Variants in SPON1 observed in about 807,000 individuals in gnomAD.
SPON1 encodes the protein spondin-1.
A neutral mutation model predicts 111.7 loss-of-function variants in SPON1; 52 were observed. The observed-to-expected ratio is 0.47, with a 90% CI of 0.37 to 0.59. The LOEUF (loss-of-function observed/expected upper bound fraction) is 0.59. Among genes scored for constraint, SPON1 ranks in the 20% least tolerant of loss-of-function variants. SPON1 has a pLI of 0.00. For missense variants in SPON1, 957 were observed against 1,068.5 expected (o/e 0.90, Z 1.46); for synonymous variants, 410 against 395.8 (o/e 1.04, Z -0.43).
intron 6 of SPON1, among the ~76,000 whole-genome samples, chr11:14,163,670 T>C (rs982214634): frequency 6.6e-6 from 1 of 152,012 alleles, no homozygotes; most frequent in African/African-American, 2.4e-5. Context: ...AGACATGGGG[T>C]GAGAGAAATA....
At chr11:14,200,052 C>A (rs559323807) in intron 6 of SPON1, among the ~76,000 whole-genome samples, 1 of 152,308 alleles carries the variant, frequency 6.6e-6, no homozygotes, top group Admixed American at 6.5e-5. Context: ...CTCATCCACC[C>A]ATTTAGCAAC....
chr11:14,223,241 G>C (rs1554937759), intron 6 of SPON1, among the ~76,000 whole-genome samples: 1 of 152,146 alleles, frequency 6.6e-6, no homozygotes. Context: ...GCACATGCCT[G>C]TGATCCCAGC....
chr11:13,978,108 G>C (rs1284661760), intron 1 of SPON1, among the ~76,000 whole-genome samples: 1 of 152,122 alleles, frequency 6.6e-6, no homozygotes, highest in Non-Finnish European at 1.5e-5. Flanking sequence ...TGATCAACTG[G>C]CCCATTTTTC....
chr11:14,165,931 G>A (rs1459957963), intron 6 of SPON1, among the ~76,000 whole-genome samples: 1 of 152,162 alleles, frequency 6.6e-6, no homozygotes, highest in African/African-American at 2.4e-5. Context: ...CTTTTTAAAA[G>A]GTGAGCCCAG....
intron 6 of SPON1, among the ~76,000 whole-genome samples, chr11:14,202,110 G>T (rs1848470874): frequency 6.6e-6 from 1 of 152,116 alleles, no homozygotes; most frequent in African/African-American, 2.4e-5. Context: ...ATCCTAAATT[G>T]AGAGCTCTAA....
At chr11:14,165,582 C>A (rs953127565) in intron 6 of SPON1, among the ~76,000 whole-genome samples, 8 of 152,158 alleles carry the variant, frequency 5.3e-5, no homozygotes, top group Non-Finnish European at 8.8e-5. Flanking sequence ...ATGAGGAGTA[C>A]AATTCCCAAT....
intron 6 of SPON1, among the ~76,000 whole-genome samples, chr11:14,201,036 G>A (rs1025158491): frequency 6.6e-6 from 1 of 151,620 alleles, no homozygotes; most frequent in African/African-American, 2.4e-5. Context: ...TGTAAAATAG[G>A]GATACTAAAA....
intron 2 of SPON1, among the ~76,000 whole-genome samples, chr11:13,996,319 A>G (rs1321751074): frequency 6.6e-6 from 1 of 152,226 alleles, no homozygotes; most frequent in Admixed American, 6.5e-5. Flanking sequence ...CTTGCTTAAC[A>G]CTTAGTTTTC....
intron 6 of SPON1, among the ~76,000 whole-genome samples, chr11:14,233,662 C>G (rs1402399122): frequency 6.6e-6 from 1 of 151,930 alleles, no homozygotes; most frequent in Non-Finnish European, 1.5e-5. Flanking sequence ...GCAATGCGGC[C>G]CCTGCTCTAA....
chr11:14,145,507 A>C (rs568011608), intron 6 of SPON1, among the ~76,000 whole-genome samples: 2 of 152,232 alleles, frequency 1.3e-5, no homozygotes, highest in Non-Finnish European at 2.9e-5. Context: ...TTAGAAGACA[A>C]TTTAGCAATA....
At chr11:14,166,104 C>A (rs1848026603) in intron 6 of SPON1, among the ~76,000 whole-genome samples, 1 of 152,098 alleles carries the variant, frequency 6.6e-6, no homozygotes, top group African/African-American at 2.4e-5. Flanking sequence ...AGGTATGAGG[C>A]CAGATTCCCC....
intron 6 of SPON1, 45 bp from the exon 7 acceptor site, chr11:14,243,287 T>G (rs1434454595): frequency 6.5e-7 from 1 of 1,537,244 alleles, no homozygotes; most frequent in African/African-American, 1.4e-5. Flanking sequence ...ATTGTTCCCA[T>G]GAGCCCAGCT....
chr11:13,973,909 C>A (rs1328600824), intron 1 of SPON1, among the ~76,000 whole-genome samples: 1 of 152,148 alleles, frequency 6.6e-6, no homozygotes, highest in African/African-American at 2.4e-5. Flanking sequence ...TATGCATGAT[C>A]TTCAGTTTGA....
At chr11:14,263,180 G>A (rs1849209892) in intron 15 of SPON1, 2 of 564,018 alleles carry the variant, frequency 3.5e-6, no homozygotes, top group South Asian at 5.8e-5. Flanking sequence ...AAGGAGATTG[G>A]CGGTGGGGGT....
At chr11:14,107,590 GAAAA>G (rs3047369) in intron 5 of SPON1, among the ~76,000 whole-genome samples, 74 of 119,230 alleles carry the variant, frequency 6.2e-4, no homozygotes, top group African/African-American at 2.0e-3. Context: ...AGATCCTCAG[GAAAA>G]AAAAAAAAAA....
At position 14,249,773 on chromosome 11, in the gene SPON1, C is replaced by T. The variant is rs782371119; in HGVS notation, c.891-4755C>T. 2.0e-4 allele frequency among the ~76,000 whole-genome samples: 31 copies of T among 152,282 alleles called. 1 individual carries two copies. The highest frequency in any genetic ancestry group is 3.4e-3 in the Middle Eastern group (1 of 292). Reference sequence around the variant, plus strand: ...AAAGTTGAATGAGAAGAAAATCAACCTCTACCAAGCCCTGTTATGTGTCCC... The same window carrying T: ...AAAGTTGAATGAGAAGAAAATCAACTTCTACCAAGCCCTGTTATGTGTCCC... On this transcript the variant is annotated intron_variant, in intron 7 of 15. Coordinates refer to ENST00000576479, the MANE Select transcript of SPON1 (RefSeq NM_006108.4).
intron 15 of SPON1, among the ~76,000 whole-genome samples, chr11:14,264,362 A>AAG (rs1180014949): frequency 5.9e-5 from 9 of 152,220 alleles, no homozygotes; most frequent in African/African-American, 1.9e-4. Flanking sequence ...ACCCAAGAGA[A>AAG]AGATTATACA....
At chr11:14,072,947 C>T (rs1359989519) in intron 3 of SPON1, among the ~76,000 whole-genome samples, 1 of 152,136 alleles carries the variant, frequency 6.6e-6, no homozygotes, top group Non-Finnish European at 1.5e-5. Context: ...CAGCTCATCT[C>T]ATACAGGTCG....
intron 3 of SPON1, among the ~76,000 whole-genome samples, chr11:14,046,684 T>G (rs782800212): frequency 6.6e-6 from 1 of 152,188 alleles, no homozygotes; most frequent in Non-Finnish European, 1.5e-5. Flanking sequence ...GTTCAAACTG[T>G]TCATGGTCAT....
Sources: allele counts gnomAD v4.1 joint callset (sites outside exome capture counted in the v4.1 genomes callset), GRCh38; gene constraint gnomAD v4.1.1; transcripts MANE v1.5; gene names NCBI Gene and HGNC (gene_info 2026-07-23, HGNC 2026-07-21).